Variants in NGEF observed in about 807,000 individuals in gnomAD.
NGEF encodes ephexin-1.
A neutral mutation model predicts 80.9 loss-of-function variants in NGEF; 31 were observed. That is an observed-to-expected ratio of 0.38 (90% CI 0.29 to 0.52). The LOEUF is 0.52. Among genes scored for constraint, NGEF ranks in the 20% least tolerant of loss-of-function variants. The probability of loss-of-function intolerance (pLI) is 0.84; values close to 1 mark genes in which losing one functional copy is unlikely to be tolerated. For missense variants in NGEF, 709 were observed against 926.2 expected (o/e 0.77, Z 3.04); for synonymous variants, 371 against 370.2 (o/e 1.00, Z -0.03).
chr2:233,004,223 A>T (rs905605319), intron 1 of NGEF, among the ~76,000 whole-genome samples: 2 of 152,138 alleles, frequency 1.3e-5, no homozygotes, highest in African/African-American at 4.8e-5. Flanking sequence ...CTGACCCTGC[A>T]GCCCTGCAGG....
At chr2:232,920,224 C>CA in intron 5 of NGEF, 60 bp downstream of exon 5, 1 of 1,531,700 alleles carries the variant, frequency 6.5e-7, no homozygotes, top group African/African-American at 1.4e-5. Context: ...GCCTCACCCC[C>CA]AGCAGTGAGG....
At chr2:232,992,302 A>G (rs955976050) in intron 1 of NGEF, among the ~76,000 whole-genome samples, 8 of 152,074 alleles carry the variant, frequency 5.3e-5, no homozygotes, top group African/African-American at 1.9e-4. Context: ...TCATGCCTGT[A>G]ATCTCAGCAC....
At chr2:233,011,989 A>G (rs900959012) in intron 1 of NGEF, among the ~76,000 whole-genome samples, 1 of 152,138 alleles carries the variant, frequency 6.6e-6, no homozygotes, top group Non-Finnish European at 1.5e-5. Context: ...TTGACCCCCA[A>G]GGGGACCCTG....
At chr2:232,924,348 T>G (rs184823539) in intron 4 of NGEF, among the ~76,000 whole-genome samples, 26 of 152,272 alleles carry the variant, frequency 1.7e-4, no homozygotes, top group Admixed American at 3.3e-4. Flanking sequence ...GAAGCAGAGA[T>G]AGCCAGCCCT....
At chr2:232,985,155 C>G (rs569640310) in intron 1 of NGEF, among the ~76,000 whole-genome samples, 1 of 152,276 alleles carries the variant, frequency 6.6e-6, no homozygotes, top group African/African-American at 2.4e-5. Context: ...TCTCCTTCTG[C>G]CATGTATAGG....
At chr2:232,901,547 G>A (rs531905369) in intron 5 of NGEF, 4 of 580,748 alleles carry the variant, frequency 6.9e-6, no homozygotes, top group Non-Finnish European at 8.7e-6. Flanking sequence ...GGGGGTCGGA[G>A]CCAAAGGCCA....
At chr2:232,948,991 C>T (rs1693620115) in intron 3 of NGEF, among the ~76,000 whole-genome samples, 1 of 151,998 alleles carries the variant, frequency 6.6e-6, no homozygotes, top group Admixed American at 6.6e-5. Flanking sequence ...GCACTCCAGC[C>T]TGGGCAACAG....
intron 5 of NGEF, among the ~76,000 whole-genome samples, chr2:232,896,557 GGTAGGGGTGAGGGTGAA>G (rs1692071367): frequency 7.7e-6 from 1 of 130,508 alleles, no homozygotes; most frequent in Non-Finnish European, 1.6e-5. Flanking sequence ...GTGAGGGTGG[GGTAGGGGTGAGGGTGAA>G]GGTAGGGGTG....
intron 3 of NGEF, among the ~76,000 whole-genome samples, chr2:232,936,695 A>G (rs894207527): frequency 5.9e-5 from 9 of 152,224 alleles, no homozygotes; most frequent in Non-Finnish European, 8.8e-5. Context: ...CTCCCAAGGG[A>G]GAAGACCACT....
At position 232,957,580 on chromosome 2, in the gene NGEF, C is replaced by T. The variant is rs558991582; in HGVS notation, c.383+12634G>A. On this transcript the variant is annotated intron_variant, in intron 3 of 14. Coordinates refer to ENST00000264051, the MANE Select transcript of NGEF (RefSeq NM_019850.3). ...TCAGGTGATCTGCCCGCCTCGGTCT[C>T]CCAAAGTGCTGGGATTACAGGTGTC... is the stretch of plus-strand genomic sequence containing the variant. Among the ~76,000 whole-genome samples, 72 of 152,304 alleles carry T rather than the reference C, an allele frequency of 4.7e-4. 1 individual carries two copies. Among genetic ancestry groups the T allele is most frequent in the Middle Eastern group, 3.4e-3 (1 of 294 alleles).
intron 1 of NGEF, among the ~76,000 whole-genome samples, chr2:232,988,743 C>T (rs56190584): frequency 0.2 from 30,815 of 152,030 alleles, 3,811 homozygotes; most frequent in Non-Finnish European, 0.28. Flanking sequence ...TGGAAGCAAC[C>T]GGGGTGTCTT....
At chr2:232,958,702 T>G (rs1462368921) in intron 3 of NGEF, among the ~76,000 whole-genome samples, 1 of 152,196 alleles carries the variant, frequency 6.6e-6, no homozygotes, top group East Asian at 1.9e-4. Context: ...TCCTGTCTTT[T>G]TGTATTTTAA....
Position 232,900,413 on chromosome 2 carries a change from C to T in NGEF, c.829-5497G>A, listed in dbSNP as rs570175339. On this transcript the variant is annotated intron_variant, in intron 5 of 14. Transcript: ENST00000264051. ...ACAGTCACTCATATACACGTTCACTCACATTCACTTACATGCTCTCACAGT... is the reference window on the plus strand; with the variant it reads ...ACAGTCACTCATATACACGTTCACTTACATTCACTTACATGCTCTCACAGT... 5.1e-5 allele frequency among the ~76,000 whole-genome samples: 4 copies of T among 78,874 alleles called. 1 individual carries two copies. The highest frequency in any genetic ancestry group is 1.8e-4 in the African/African-American group (4 of 22,440). The allele number at this position is 78,874 out of a possible 152,430, so 51.7% of individuals were successfully genotyped here.
chr2:232,890,192 C>A (rs944067225), intron 8 of NGEF, among the ~76,000 whole-genome samples: 2 of 105,066 alleles, frequency 1.9e-5, no homozygotes, highest in African/African-American at 5.6e-5. Flanking sequence ...TGGAGGGGGT[C>A]TCTGTCCTGC....
intron 11 of NGEF, 99 bp downstream of exon 11, chr2:232,883,882 T>G: frequency 7.8e-7 from 1 of 1,284,440 alleles, no homozygotes; most frequent in Admixed American, 2.6e-5. Context: ...GAGCCCAAGC[T>G]CTGTCCCGAC....
chr2:232,934,324 G>C (rs570941437), intron 3 of NGEF, among the ~76,000 whole-genome samples: 1 of 151,158 alleles, frequency 6.6e-6, no homozygotes, highest in African/African-American at 2.4e-5. Context: ...TGGCTTCACT[G>C]TCCCTGAATT....
intron 1 of NGEF, among the ~76,000 whole-genome samples, chr2:232,987,177 T>A (rs1694549612): frequency 6.6e-6 from 1 of 152,102 alleles, no homozygotes. Flanking sequence ...CCGCCACGCC[T>A]GGCTAATTTT....
chr2:232,903,430 A>T (rs1318444368), intron 5 of NGEF, among the ~76,000 whole-genome samples: 1 of 140,822 alleles, frequency 7.1e-6, no homozygotes, highest in East Asian at 2.0e-4. Context: ...TTTGTGTGAC[A>T]TGAGGGCACA....
At chr2:232,915,675 T>C (rs1692786075) in intron 5 of NGEF, among the ~76,000 whole-genome samples, 1 of 152,134 alleles carries the variant, frequency 6.6e-6, no homozygotes, top group Non-Finnish European at 1.5e-5. Context: ...CTCTTGTTTC[T>C]GACAGATTCT....
Sources: gnomAD v4.1 joint callset for allele counts (sites outside exome capture counted in the v4.1 genomes callset) on GRCh38, gnomAD v4.1.1 for gene constraint, MANE v1.5 for transcripts, NCBI Gene and HGNC (gene_info 2026-07-23, HGNC 2026-07-21) for gene names.